CHIC2: variants seen among roughly 807,000 people sequenced by gnomAD.
CHIC2 encodes cysteine-rich hydrophobic domain-containing protein 2.
In CHIC2, 14 loss-of-function variants were observed where a neutral mutation model predicts 25.9. The ratio of observed to expected loss-of-function variants is 0.54; its 90% CI spans 0.36 to 0.85. The LOEUF (loss-of-function observed/expected upper bound fraction) is 0.85, where lower values mean the gene tolerates loss of function less well. Among genes scored for constraint, CHIC2 ranks in the 40% least tolerant of loss-of-function variants. The probability of loss-of-function intolerance (pLI) is 0.01; values close to 1 mark genes in which losing one functional copy is unlikely to be tolerated. For synonymous variants in CHIC2, 70 were observed against 72.0 expected, an observed-to-expected ratio of 0.97 and a Z score of 0.14; for missense variants, 146 against 202.0, an observed-to-expected ratio of 0.72 and a Z score of 1.68.
chr4:54,051,557 T>C (rs983666675), intron 1 of CHIC2, among the ~76,000 whole-genome samples: 8 of 152,104 alleles, frequency 5.3e-5, no homozygotes, highest in African/African-American at 1.7e-4. Context: ...TTGTCAACTC[T>C]GAGAGAAAAA....
intron 1 of CHIC2, among the ~76,000 whole-genome samples, chr4:54,061,860 T>C (rs1026570429): frequency 6.6e-6 from 1 of 152,166 alleles, no homozygotes; most frequent in African/African-American, 2.4e-5. Context: ...CACATACACA[T>C]TGCTTAGAAA....
intron 3 of CHIC2, among the ~76,000 whole-genome samples, chr4:54,016,530 T>G (rs13116447): frequency 0.27 from 41,392 of 151,934 alleles, 6,447 homozygotes; most frequent in Middle Eastern, 0.4. Context: ...TTAAGAATTA[T>G]AAAACAAACA....
At chr4:54,058,217 A>T (rs991888548) in intron 1 of CHIC2, among the ~76,000 whole-genome samples, 13 of 152,224 alleles carry the variant, frequency 8.5e-5, no homozygotes, top group Non-Finnish European at 2.9e-5. Context: ...GTTAAACATC[A>T]AAATATGTCA....
At chr4:54,011,473 T>C (rs758146280) in intron 5 of CHIC2, among the ~76,000 whole-genome samples, 21 of 152,140 alleles carry the variant, frequency 1.4e-4, no homozygotes, top group Admixed American at 3.3e-4. Context: ...AATAAAAGCA[T>C]TGAACTAGAT....
the CHIC2 span, among the ~76,000 whole-genome samples, chr4:54,079,046 G>A: frequency 1.5e-4 from 23 of 151,544 alleles, no homozygotes; most frequent in East Asian, 3.4e-3. Flanking sequence ...GTGAAACCCC[G>A]CCTCTACTAA....
upstream of CHIC2, among the ~76,000 whole-genome samples, chr4:54,065,110 G>A (rs753459301): frequency 3.3e-5 from 5 of 152,170 alleles, no homozygotes; most frequent in Non-Finnish European, 7.4e-5. Flanking sequence ...CCCAATTTGA[G>A]GAGTCCAGCA....
At position 54,032,424 on chromosome 4, in the gene CHIC2, C is replaced by T. The variant is rs531819308; in HGVS notation, c.330+16531G>A. 3.1e-4 allele frequency among the ~76,000 whole-genome samples: 47 copies of T among 152,174 alleles called. No individual in the cohort carries two copies. The East Asian group carries it at 8.9e-3, about 29-fold the overall frequency. ...GCGATTGCAGGTGCGCGCCGCCACG[C>T]CTGACTGGTTTTCGTATTTTTTTGG... On this transcript the variant is annotated intron_variant, in intron 3 of 5. Transcript: ENST00000263921.
At chr4:54,070,935 G>A in the CHIC2 span, among the ~76,000 whole-genome samples, 1 of 152,172 alleles carries the variant, frequency 6.6e-6, no homozygotes, top group Non-Finnish European at 1.5e-5. Flanking sequence ...GACCTAAAAT[G>A]TTCAGGTTGT....
Position 54,064,121 on chromosome 4 carries a change from G to A in CHIC2, c.119+61C>T. The A allele has an allele frequency of 1.4e-6, 2 of 1,439,000 alleles. No individual in the cohort carries two copies. The highest frequency in any genetic ancestry group is 2.4e-5 in the East Asian group (1 of 41,304). 89.1% of individuals were successfully genotyped at this position (1,439,000 alleles called of 1,614,324 possible). The stretch of plus-strand genomic sequence containing the variant: ...CGGACACAGGGGAAACGGGGCTCCC[G>A]TGGAGTAACGGGGCCCACCCCAGCC... On this transcript the variant is annotated intron_variant, in intron 1 of 5. Coordinates refer to ENST00000263921, the MANE Select transcript of CHIC2 (RefSeq NM_012110.4). This position sits in a 1 kb window ranked among gnomAD's most constrained non-coding sequence, Gnocchi z 4.2.
intron 1 of CHIC2, among the ~76,000 whole-genome samples, chr4:54,055,345 G>T (rs1293223858): frequency 1.3e-5 from 2 of 151,700 alleles, no homozygotes; most frequent in Admixed American, 1.3e-4. Flanking sequence ...GGCAAAATAG[G>T]GCCAAATTTT....
At chr4:54,029,555 C>G (rs766418164) in intron 3 of CHIC2, among the ~76,000 whole-genome samples, 2 of 152,208 alleles carry the variant, frequency 1.3e-5, no homozygotes, top group Non-Finnish European at 1.5e-5. Context: ...TCCTTGTTCA[C>G]TAGAAATTAC....
At chr4:54,054,982 T>C (rs1024244440) in intron 1 of CHIC2, among the ~76,000 whole-genome samples, 2 of 152,038 alleles carry the variant, frequency 1.3e-5, no homozygotes, top group African/African-American at 4.8e-5. Context: ...TTAAAAGGAC[T>C]CTGAAGGAGA....
chr4:54,085,780 A>G, the CHIC2 span, among the ~76,000 whole-genome samples: 4 of 152,194 alleles, frequency 2.6e-5, no homozygotes, highest in African/African-American at 7.2e-5. Flanking sequence ...AGAAGCATCC[A>G]CAGTAAATCC....
At chr4:54,021,976 G>A (rs1170317830) in intron 3 of CHIC2, among the ~76,000 whole-genome samples, 4 of 152,110 alleles carry the variant, frequency 2.6e-5, no homozygotes, top group Non-Finnish European at 5.9e-5. Flanking sequence ...TGCCTCCACT[G>A]TGAGACAAAC....
intron 1 of CHIC2, among the ~76,000 whole-genome samples, chr4:54,062,219 GA>G (rs1717356347): frequency 6.6e-6 from 1 of 152,118 alleles, no homozygotes; most frequent in South Asian, 2.1e-4. Context: ...GAAAATCAGA[GA>G]TTTAACTCAC....
chr4:54,042,274 A>C (rs1018565883), intron 3 of CHIC2, among the ~76,000 whole-genome samples: 1 of 152,226 alleles, frequency 6.6e-6, no homozygotes, highest in African/African-American at 2.4e-5. Context: ...ATACAAAGAG[A>C]GAACTTAAGA....
chr4:54,011,751 G>C (rs749798419), intron 5 of CHIC2, among the ~76,000 whole-genome samples: 1 of 151,708 alleles, frequency 6.6e-6, no homozygotes, highest in Non-Finnish European at 1.5e-5. Flanking sequence ...ATAGAGACTG[G>C]CCACTTGTCT....
Position 54,028,782 on chromosome 4 carries a change from T to A in CHIC2, c.331-14663A>T, listed in dbSNP as rs1322839917. Among the ~76,000 whole-genome samples, 8 of 152,250 alleles carry A rather than the reference T, an allele frequency of 5.3e-5. 1 individual carries two copies. The highest frequency in any genetic ancestry group is 5.2e-4 in the Admixed American group (8 of 15,290). ...GAATTTAGCCATTTGGAATAACTGG[T>A]ATTATAAACTAAGTGTTTCTATCTT... On this transcript the variant is annotated intron_variant, in intron 3 of 5. Transcript: ENST00000263921.
the CHIC2 span, among the ~76,000 whole-genome samples, chr4:54,073,166 G>A: frequency 6.6e-6 from 1 of 152,022 alleles, no homozygotes; most frequent in South Asian, 2.1e-4. Context: ...GGAGTTTCTA[G>A]TCCCTGCCTC....
Sources: gnomAD v4.1 joint callset for allele counts (sites outside exome capture counted in the v4.1 genomes callset) on GRCh38, gnomAD v4.1.1 for gene constraint, Gnocchi (gnomAD v3.1) non-coding constraint, MANE v1.5 for transcripts, NCBI Gene and HGNC (gene_info 2026-07-23, HGNC 2026-07-21) for gene names.